The following TIA1 variants were observed in gnomAD, a reference collection of about 807,000 sequenced individuals.
The protein encoded by TIA1 is TIA1 cytotoxic granule associated RNA binding protein.
TIA1 carries 23 observed loss-of-function variants against 65.9 expected under a neutral mutation model. The ratio of observed to expected loss-of-function variants is 0.35; its 90% CI spans 0.25 to 0.49. The LOEUF (loss-of-function observed/expected upper bound fraction) is 0.49, where lower values mean the gene tolerates loss of function less well. Ranked by LOEUF, TIA1 falls within the 20% of genes least tolerant of loss-of-function variation. The probability of loss-of-function intolerance (pLI) is 0.98; values close to 1 mark genes in which losing one functional copy is unlikely to be tolerated. For synonymous variants in TIA1, 147 were observed against 149.4 expected (o/e 0.98, Z 0.12); for missense variants, 371 against 477.9 (o/e 0.78, Z 2.09).
chr2:70,248,348 G>T, intron 1 of TIA1, 57 bp downstream of exon 1: 1 of 1,579,506 alleles, frequency 6.3e-7, no homozygotes, highest in Non-Finnish European at 8.6e-7. Flanking sequence ...GCAGGGCCGA[G>T]GCCTTCCCTC....
chr2:70,237,859 G>A (rs561353314), intron 1 of TIA1, among the ~76,000 whole-genome samples: 3 of 147,450 alleles, frequency 2.0e-5, no homozygotes, highest in African/African-American at 5.0e-5. Flanking sequence ...GAGCAAGACT[G>A]TCTTTAAAAA....
At chr2:70,214,618 C>T in intron 11 of TIA1, 124 bp from the exon 12 acceptor site, 1 of 401,100 alleles carries the variant, frequency 2.5e-6, no homozygotes, top group Non-Finnish European at 3.9e-6. Flanking sequence ...ACAGGATAAA[C>T]AAGAGTTGAC....
At chr2:70,241,307 T>C (rs1345369085) in intron 1 of TIA1, among the ~76,000 whole-genome samples, 1 of 152,108 alleles carries the variant, frequency 6.6e-6, no homozygotes, top group Non-Finnish European at 1.5e-5. Context: ...CTGGGCTTGG[T>C]GGCGTGTGCC....
intron 1 of TIA1, among the ~76,000 whole-genome samples, chr2:70,248,083 G>A (rs542837231): frequency 6.6e-6 from 1 of 152,252 alleles, no homozygotes; most frequent in East Asian, 1.9e-4. Context: ...ACAAAAGGAA[G>A]GTTCGACGAG....
chr2:70,209,992 C>T lies in TIA1; in HGVS notation c.*2727G>A, dbSNP rs1456974320. The T allele has an allele frequency of 3.0e-6, 1 of 330,978 alleles. No individual in the cohort carries two copies. Among genetic ancestry groups the T allele is most frequent in the Non-Finnish European group, 5.4e-6 (1 of 183,798 alleles). 20.5% of individuals were successfully genotyped at this position (330,978 alleles called of 1,614,324 possible). On this transcript the variant is annotated 3_prime_UTR_variant, in exon 13 of 13. Transcript: ENST00000433529. ...ACTAGAATGTGAATCTCATTTTCAA[C>T]AAGTATCAGCAAGGAAAATGAGACC...
intron 1 of TIA1, among the ~76,000 whole-genome samples, chr2:70,236,441 C>T (rs1186334705): frequency 3.3e-5 from 5 of 151,958 alleles, no homozygotes; most frequent in Non-Finnish European, 2.9e-5. Flanking sequence ...TCAGGTGACC[C>T]GCCTGCTTCA....
chr2:70,248,253 T>C lies in TIA1; in HGVS notation c.26+152A>G, dbSNP rs961861252. On this transcript the variant is annotated intron_variant, in intron 1 of 12. Transcript: ENST00000433529. Reference sequence around the variant, plus strand: ...TCACCTCGTCCTCACAGATTGGGTCTTGGTTGTAAGCATCCAGGTGCATGC... The same window carrying C: ...TCACCTCGTCCTCACAGATTGGGTCCTGGTTGTAAGCATCCAGGTGCATGC... The C allele has an allele frequency of 2.2e-5, 18 of 826,426 alleles. No homozygotes were observed. In the African/African-American group the frequency reaches 2.8e-4, roughly 13 times the overall value. 51.2% of individuals were successfully genotyped at this position (826,426 alleles called of 1,614,324 possible).
intron 6 of TIA1, chr2:70,224,969 A>C: frequency 9.6e-7 from 1 of 1,042,046 alleles, no homozygotes; most frequent in Non-Finnish European, 1.2e-6. Flanking sequence ...CATTAGATGA[A>C]TGGCTTTCTT....
At chr2:70,248,249 G>A (rs1447716280) in intron 1 of TIA1, among the ~76,000 whole-genome samples, 156 bp downstream of exon 1, 1 of 152,208 alleles carries the variant, frequency 6.6e-6, no homozygotes, top group Non-Finnish European at 1.5e-5. Flanking sequence ...TCACAGATTG[G>A]GTCTTGGTTG....
rs1189591132 is a variant in TIA1, at chr2:70,214,339, A to T, written c.1034+10T>A. 1 of 1,605,564 alleles carries T rather than the reference A, an allele frequency of 6.2e-7. No homozygotes were observed. Among genetic ancestry groups the T allele is most frequent in the East Asian group, 2.2e-5 (1 of 44,808 alleles). ...AAAGGTTAGTAAAGGAAGACATAAG[A>T]TATGCTTACTTAAATCCTTGCTGGT... is the stretch of plus-strand genomic sequence containing the variant. On this transcript the variant is annotated intron_variant, in intron 12 of 12. Transcript: ENST00000433529.
rs1232607387 is a variant in TIA1 at position 70,236,135 on chromosome 2, T to C, written c.67A>G (p.Ile23Val). The C allele has an allele frequency of 6.2e-7, 1 of 1,612,982 alleles. No homozygotes were observed. Among genetic ancestry groups the C allele is most frequent in the African/African-American group, 1.3e-5 (1 of 74,822 alleles). ...CCAATCTGGCTAAAGAGTTGCAGAATTAGAGCTTCTGTCACATCTCTGGAA... is the reference window on the plus strand; with the variant it reads ...CCAATCTGGCTAAAGAGTTGCAGAACTAGAGCTTCTGTCACATCTCTGGAA... Reference protein sequence around the residue: ...NLSRDVTEALILQLFSQIGPC... With the variant: ...NLSRDVTEALVLQLFSQIGPC... The change falls in exon 2 of 13, where the codon ATT becomes GTT. Residue 23 changes from isoleucine to valine, a missense_variant. Transcript: ENST00000433529.
chr2:70,242,494 CAAAAAAAAAA>C (rs11380260), intron 1 of TIA1, among the ~76,000 whole-genome samples: 103 of 33,472 alleles, frequency 3.1e-3, no homozygotes, highest in African/African-American at 0.011. Flanking sequence ...GACTCAGTCT[CAAAAAAAAAA>C]AAAAAAAAAA....
chr2:70,230,295 C>G lies in TIA1; in HGVS notation c.222+461G>C, dbSNP rs935095855. 4.6e-5 allele frequency among the ~76,000 whole-genome samples: 7 copies of G among 151,450 alleles called. No individual in the cohort carries two copies. In the East Asian group the frequency reaches 1.2e-3, roughly 25 times the overall value. On this transcript the variant is annotated intron_variant, in intron 3 of 12. Transcript: ENST00000433529. ...TAACATAAACACAAGCCTCTGCCCTCTAAAAGCTTTATCCTACCTTTTTAA... is the reference window on the plus strand; with the variant it reads ...TAACATAAACACAAGCCTCTGCCCTGTAAAAGCTTTATCCTACCTTTTTAA...
At chr2:70,219,738 C>CTTTT (rs1165514822) in intron 7 of TIA1, among the ~76,000 whole-genome samples, 3 of 105,874 alleles carry the variant, frequency 2.8e-5, no homozygotes, top group African/African-American at 7.2e-5. Context: ...GGTCGCCAGG[C>CTTTT]TTTTTTTTTT....
At chr2:70,242,673 C>T (rs1247092403) in intron 1 of TIA1, among the ~76,000 whole-genome samples, 1 of 152,002 alleles carries the variant, frequency 6.6e-6, no homozygotes, top group Non-Finnish European at 1.5e-5. Flanking sequence ...AGGCCATGGA[C>T]CATTATGCGT....
At chr2:70,239,996 C>T (rs1001224635) in intron 1 of TIA1, among the ~76,000 whole-genome samples, 1 of 152,100 alleles carries the variant, frequency 6.6e-6, no homozygotes, top group African/African-American at 2.4e-5. Flanking sequence ...TGTGTAAACC[C>T]TAATGAAATA....
chr2:70,223,387 T>C (rs1237821749), intron 7 of TIA1, among the ~76,000 whole-genome samples: 1 of 152,152 alleles, frequency 6.6e-6, no homozygotes, highest in African/African-American at 2.4e-5. Context: ...TGATTGAGCT[T>C]GTATTGTTTT....
At chr2:70,242,401 G>A (rs1692238703) in intron 1 of TIA1, among the ~76,000 whole-genome samples, 1 of 149,962 alleles carries the variant, frequency 6.7e-6, no homozygotes, top group Admixed American at 6.7e-5. Context: ...GTGTGATGGT[G>A]GGCGAGAGAA....
intron 5 of TIA1, 85 bp downstream of exon 5, chr2:70,228,957 TCCTCCCGCCCCCCTCCC>T: frequency 6.6e-6 from 7 of 1,059,372 alleles, no homozygotes; most frequent in African/African-American, 1.8e-5. Flanking sequence ...AAATAATATC[TCCTCCCGCCCCCCTCCC>T]CCAAATATCA....
Sources: allele counts gnomAD v4.1 joint callset (sites outside exome capture counted in the v4.1 genomes callset), GRCh38; gene constraint gnomAD v4.1.1; transcripts MANE v1.5; gene names NCBI Gene and HGNC (gene_info 2026-07-23, HGNC 2026-07-21).